ITPR2: variants seen among roughly 807,000 people sequenced by gnomAD.
The protein encoded by ITPR2 is inositol 1,4,5-trisphosphate-gated calcium channel ITPR2.
Under a neutral mutation model 317.1 loss-of-function variants are expected in ITPR2, and 207 were observed. That is an observed-to-expected ratio of 0.65 (90% confidence interval 0.58 to 0.73). The LOEUF is 0.73. ITPR2 is among the 30% of genes least tolerant of loss of function. The pLI is 0.00. For synonymous variants in ITPR2, 1,156 were observed against 1,149.1 expected (o/e 1.01, Z -0.12); for missense variants, 2,613 against 3,284.0 (o/e 0.80, Z 4.99).
chr12:26,495,504 G>A (rs1942912872), intron 37 of ITPR2: 1 of 398,704 alleles, frequency 2.5e-6, no homozygotes. Flanking sequence ...ACAGGTTTAT[G>A]GCAGATATTG....
Position 26,756,634 on chromosome 12 carries a change from C to T in ITPR2, c.164-30869G>A, listed in dbSNP as rs556402853. ...ACGGATAGCCCTCACCATACTGATG[C>T]TTTCTGACTGAGCTCCTCCCTACCC... On this transcript the variant is annotated intron_variant, in intron 2 of 56. Transcript: ENST00000381340. Among the ~76,000 whole-genome samples, 4 of 152,332 alleles carry T rather than the reference C, an allele frequency of 2.6e-5. No homozygotes were observed. The East Asian group carries it at 7.7e-4, about 29-fold the overall frequency.
chr12:26,510,986 T>C (rs907207843), intron 37 of ITPR2, among the ~76,000 whole-genome samples: 1 of 152,246 alleles, frequency 6.6e-6, no homozygotes, highest in Non-Finnish European at 1.5e-5. Flanking sequence ...AAAAATACAT[T>C]AAGTATATCT....
At chr12:26,604,878 A>G (rs994856389) in intron 26 of ITPR2, among the ~76,000 whole-genome samples, 2 of 152,038 alleles carry the variant, frequency 1.3e-5, no homozygotes, top group African/African-American at 4.8e-5. Flanking sequence ...GGTGGATCAC[A>G]AGGTCAGGAG....
At chr12:26,495,027 T>C in intron 38 of ITPR2, 125 bp downstream of exon 38, 1 of 668,720 alleles carries the variant, frequency 1.5e-6, no homozygotes, top group Non-Finnish European at 2.6e-6. Context: ...TGTATGAAAG[T>C]TTTTAACAGT....
chr12:26,502,962 C>T (rs558669427), intron 37 of ITPR2, among the ~76,000 whole-genome samples: 65 of 152,228 alleles, frequency 4.3e-4, no homozygotes, highest in Admixed American at 1.8e-3. Flanking sequence ...AGATGAGGAA[C>T]AATACATACG....
Position 26,339,318 on chromosome 12 carries a change from C to T in ITPR2, c.*79G>A. The T allele has an allele frequency of 8.0e-7, 1 of 1,252,246 alleles. No homozygotes were observed. The highest frequency in any genetic ancestry group is 1.5e-5 in the African/African-American group (1 of 68,084). The allele number at this position is 1,252,246 out of a possible 1,614,324, so 77.6% of individuals were successfully genotyped here. A position where few individuals can be genotyped will look rare whatever the true frequency, so the allele number is the denominator to read the frequency against. On this transcript the variant is annotated 3_prime_UTR_variant, in exon 57 of 57. Coordinates refer to ENST00000381340, the MANE Select transcript of ITPR2 (RefSeq NM_002223.4). ...ACTTTTCAACAATAGGCACTGTTCA[C>T]TCCCCTCCATCTCAGTTCTTTATTC...
At position 26,526,839 on chromosome 12, in the gene ITPR2, G is replaced by A. The variant is rs573569938; in HGVS notation, c.5073+23408C>T. Among the ~76,000 whole-genome samples the A allele has an allele frequency of 7.2e-4, 109 of 152,284 alleles. 2 individuals carry two copies. In the South Asian group the frequency reaches 0.017, roughly 24 times the overall value. On this transcript the variant is annotated intron_variant, in intron 37 of 56. Coordinates refer to ENST00000381340, the MANE Select transcript of ITPR2 (RefSeq NM_002223.4). The stretch of plus-strand genomic sequence containing the variant: ...AGCTGATGCATTTGCCATAAGGGGC[G>A]AGAGATAAGAAGAAATCAAGAATGA...
chr12:26,717,030 G>A (rs1057484060), intron 5 of ITPR2, among the ~76,000 whole-genome samples: 13 of 151,996 alleles, frequency 8.6e-5, no homozygotes, highest in Non-Finnish European at 1.9e-4. Flanking sequence ...CTTTCTTCAT[G>A]ATAACAATGA....
chr12:26,508,247 T>G (rs936663301), intron 37 of ITPR2, among the ~76,000 whole-genome samples: 7 of 152,184 alleles, frequency 4.6e-5, no homozygotes, highest in Non-Finnish European at 5.9e-5. Context: ...TTGATGGTAT[T>G]TTATGATTGA....
chr12:26,340,027 C>T, intron 56 of ITPR2, 140 bp downstream of exon 56: 1 of 711,460 alleles, frequency 1.4e-6, no homozygotes, highest in Non-Finnish European at 2.1e-6. Context: ...TGTGGTTCTA[C>T]AGTACAACGT....
intron 37 of ITPR2, among the ~76,000 whole-genome samples, chr12:26,516,925 C>T (rs919584357): frequency 4.0e-5 from 6 of 151,866 alleles, no homozygotes; most frequent in Admixed American, 2.6e-4. Flanking sequence ...TCAGCATATA[C>T]ATAATTGGAG....
chr12:26,527,816 T>C (rs371217233), intron 37 of ITPR2, among the ~76,000 whole-genome samples: 1 of 152,198 alleles, frequency 6.6e-6, no homozygotes, highest in East Asian at 1.9e-4. Flanking sequence ...TACTACGTAA[T>C]GAGATAAAGC....
chr12:26,632,487 G>A (rs886736119), intron 21 of ITPR2, among the ~76,000 whole-genome samples: 1 of 152,164 alleles, frequency 6.6e-6, no homozygotes, highest in African/African-American at 2.4e-5. Flanking sequence ...TTTAGATATT[G>A]AATTCCAGCA....
chr12:26,463,592 G>A (rs887723405), intron 45 of ITPR2, among the ~76,000 whole-genome samples: 1 of 152,032 alleles, frequency 6.6e-6, no homozygotes, highest in Admixed American at 6.5e-5. Flanking sequence ...TTGAACCAGG[G>A]AGGCAGAGAT....
intron 37 of ITPR2, among the ~76,000 whole-genome samples, chr12:26,535,594 T>G (rs1001816021): frequency 6.6e-6 from 1 of 152,180 alleles, no homozygotes; most frequent in Non-Finnish European, 1.5e-5. Context: ...ACTAAATCAG[T>G]CAAGTACTTG....
intron 43 of ITPR2, among the ~76,000 whole-genome samples, chr12:26,479,358 A>C (rs970704799): frequency 4.6e-5 from 7 of 152,132 alleles, no homozygotes; most frequent in Admixed American, 2.6e-4. Flanking sequence ...TAATTTTTTT[A>C]CATAGGCTTT....
intron 2 of ITPR2, 34 bp from the exon 3 acceptor site, chr12:26,725,799 T>C (rs753734189): frequency 7.5e-7 from 1 of 1,338,270 alleles, no homozygotes; most frequent in African/African-American, 1.4e-5. Context: ...ACACTGTAAC[T>C]AAGGCTACTA....
intron 29 of ITPR2, 114 bp downstream of exon 29, chr12:26,599,873 A>C (rs1400482664): frequency 6.4e-6 from 5 of 779,612 alleles, no homozygotes; most frequent in Non-Finnish European, 1.0e-5. Context: ...GAGAATTTCC[A>C]CAAGGAAAAA....
At chr12:26,401,658 G>C (rs1306876400) in intron 52 of ITPR2, among the ~76,000 whole-genome samples, 5 of 152,172 alleles carry the variant, frequency 3.3e-5, no homozygotes, top group Non-Finnish European at 7.3e-5. Flanking sequence ...TTGGGATTAT[G>C]CAGCCACAAT....
Sources: allele counts gnomAD v4.1 joint callset (sites outside exome capture counted in the v4.1 genomes callset), GRCh38; gene constraint gnomAD v4.1.1; transcripts MANE v1.5; gene names NCBI Gene and HGNC (gene_info 2026-07-23, HGNC 2026-07-21).